The following NCK1 variants were observed in gnomAD, a reference collection of about 807,000 sequenced individuals.
The protein encoded by NCK1 is NCK adaptor protein 1.
In NCK1, 19 loss-of-function variants were observed where a neutral mutation model predicts 36.6. The observed-to-expected ratio is 0.52, with a 90% CI of 0.36 to 0.76. The LOEUF is 0.76. Ranked by LOEUF, NCK1 falls within the 30% of genes least tolerant of loss-of-function variation. The pLI is 0.00. For missense variants in NCK1, 358 were observed against 445.6 expected (o/e 0.80, Z 1.77); for synonymous variants, 165 against 156.0 (o/e 1.06, Z -0.43).
intron 2 of NCK1, chr3:136,928,498 G>A: frequency 2.6e-6 from 1 of 391,800 alleles, no homozygotes; most frequent in East Asian, 4.5e-5. Context: ...GGGGCTTTTT[G>A]AACCATGAAT....
At chr3:136,886,173 A>T (rs1034527602) in intron 1 of NCK1, among the ~76,000 whole-genome samples, 1 of 152,196 alleles carries the variant, frequency 6.6e-6, no homozygotes, top group Non-Finnish European at 1.5e-5. Flanking sequence ...TATTAACACT[A>T]ATTTCTTAGA....
intron 1 of NCK1, among the ~76,000 whole-genome samples, chr3:136,903,820 A>G (rs1352673035): frequency 1.3e-5 from 2 of 152,166 alleles, no homozygotes; most frequent in Non-Finnish European, 2.9e-5. Context: ...TTATTAACTG[A>G]TTTATGGCTG....
chr3:136,910,907 G>T (rs1278699491), intron 1 of NCK1, among the ~76,000 whole-genome samples: 2 of 152,032 alleles, frequency 1.3e-5, no homozygotes, highest in Non-Finnish European at 2.9e-5. Flanking sequence ...GATATCCTTT[G>T]ACCAACACCT....
At chr3:136,927,719 C>A (rs142524494) in intron 1 of NCK1, among the ~76,000 whole-genome samples, 2 of 152,260 alleles carry the variant, frequency 1.3e-5, no homozygotes, top group African/African-American at 4.8e-5. Context: ...TGGGGTTTCA[C>A]CATGTTGGCC....
rs567673984 is a variant in NCK1, at chr3:136,910,945, G to T, written c.-18-17039G>T. Among the ~76,000 whole-genome samples, 5 of 152,186 alleles carry T rather than the reference G, an allele frequency of 3.3e-5. 1 individual carries two copies. The highest frequency in any genetic ancestry group is 1.2e-4 in the African/African-American group (5 of 41,540). ...CCATCCTGGCTTCTCCCCAGTCTCT[G>T]GTAAGCATCATTCTACTCTCTACTT... On this transcript the variant is annotated intron_variant, in intron 1 of 3. Coordinates refer to ENST00000481752, the MANE Select transcript of NCK1 (RefSeq NM_001291999.2).
rs183183289 is a variant in NCK1 at position 136,907,871 on chromosome 3, A to T, written c.-18-20113A>T. Among the ~76,000 whole-genome samples, 4 of 152,308 alleles carry T rather than the reference A, an allele frequency of 2.6e-5. 1 individual carries two copies. Among genetic ancestry groups the T allele is most frequent in the Admixed American group, 2.0e-4 (3 of 15,294 alleles). Reference sequence around the variant, plus strand: ...TTGTCCTCAGTGCTACAGGTATTATATCCTTATATATGTGGCGTCAGCCTC... The same window carrying T: ...TTGTCCTCAGTGCTACAGGTATTATTTCCTTATATATGTGGCGTCAGCCTC... On this transcript the variant is annotated intron_variant, in intron 1 of 3. Coordinates refer to ENST00000481752, the MANE Select transcript of NCK1 (RefSeq NM_001291999.2).
chr3:136,866,266 T>G (rs535910536), intron 1 of NCK1, among the ~76,000 whole-genome samples: 25 of 152,266 alleles, frequency 1.6e-4, no homozygotes, highest in African/African-American at 6.0e-4. Flanking sequence ...TTATTTACTC[T>G]TTGTATTTTT....
At chr3:136,934,957 C>G (rs1940491366) in intron 2 of NCK1, among the ~76,000 whole-genome samples, 1 of 152,012 alleles carries the variant, frequency 6.6e-6, no homozygotes, top group Non-Finnish European at 1.5e-5. Context: ...TCCCCCAAAA[C>G]TCCGCATGAT....
chr3:136,931,269 C>A (rs1940383686), intron 2 of NCK1, among the ~76,000 whole-genome samples: 2 of 152,010 alleles, frequency 1.3e-5, no homozygotes, highest in African/African-American at 4.8e-5. Flanking sequence ...CTAGTGGCCT[C>A]CTTATGATCT....
intron 1 of NCK1, among the ~76,000 whole-genome samples, chr3:136,862,842 C>T (rs1938278531): frequency 6.6e-6 from 1 of 152,074 alleles, no homozygotes; most frequent in African/African-American, 2.4e-5. Flanking sequence ...TGGACATCTT[C>T]GGGACGCGCC....
intron 1 of NCK1, among the ~76,000 whole-genome samples, chr3:136,883,350 TC>T (rs1938995468): frequency 6.6e-6 from 1 of 152,156 alleles, no homozygotes; most frequent in Admixed American, 6.6e-5. Flanking sequence ...GACTTTTTTT[TC>T]CCCTCCTGGA....
intron 1 of NCK1, among the ~76,000 whole-genome samples, chr3:136,887,948 T>G (rs527811914): frequency 8.6e-5 from 13 of 151,374 alleles, no homozygotes; most frequent in Non-Finnish European, 1.8e-4. Flanking sequence ...TCTTTCTTTT[T>G]TTTTTTTTCT....
chr3:136,941,405 C>T (rs1576991632), intron 2 of NCK1, among the ~76,000 whole-genome samples: 1 of 152,256 alleles, frequency 6.6e-6, no homozygotes, highest in East Asian at 1.9e-4. Context: ...GCTGGGATTA[C>T]AGGTGTGAGC....
At chr3:136,875,638 C>T (rs1244730808) in intron 1 of NCK1, among the ~76,000 whole-genome samples, 1 of 151,538 alleles carries the variant, frequency 6.6e-6, no homozygotes, top group Non-Finnish European at 1.5e-5. Flanking sequence ...TACAGGAGCA[C>T]CCAGATTCAT....
At chr3:136,897,722 A>G (rs541611959) in intron 1 of NCK1, among the ~76,000 whole-genome samples, 1 of 152,280 alleles carries the variant, frequency 6.6e-6, no homozygotes, top group Middle Eastern at 3.4e-3. Flanking sequence ...TCACAGTTCT[A>G]AATTAATTAT....
intron 1 of NCK1, among the ~76,000 whole-genome samples, chr3:136,902,027 TC>T (rs1366156884): frequency 4.6e-5 from 7 of 152,160 alleles, no homozygotes; most frequent in African/African-American, 1.2e-4. Context: ...TTTTGCTGTA[TC>T]TCATAGATTT....
At chr3:136,939,839 C>CTTTTTTT (rs397991172) in intron 2 of NCK1, among the ~76,000 whole-genome samples, 1 of 66,918 alleles carries the variant, frequency 1.5e-5, no homozygotes. Context: ...TTATTGAGGC[C>CTTTTTTT]TTTTTTTTTT....
intron 1 of NCK1, among the ~76,000 whole-genome samples, chr3:136,906,097 T>C (rs1169269671): frequency 6.6e-6 from 1 of 152,158 alleles, no homozygotes; most frequent in Non-Finnish European, 1.5e-5. Flanking sequence ...GACATTTTCC[T>C]GAAGATGTAT....
intron 1 of NCK1, among the ~76,000 whole-genome samples, chr3:136,862,943 T>A (rs1379926552): frequency 6.6e-6 from 1 of 151,338 alleles, no homozygotes; most frequent in East Asian, 2.0e-4. Flanking sequence ...CGCGAGTTGC[T>A]GGGGCTGTGA....
Sources: gnomAD v4.1 joint callset for allele counts (sites outside exome capture counted in the v4.1 genomes callset) on GRCh38, gnomAD v4.1.1 for gene constraint, MANE v1.5 for transcripts, NCBI Gene and HGNC (gene_info 2026-07-23, HGNC 2026-07-21) for gene names.